The following APOBR variants were observed in gnomAD, a reference collection of about 807,000 sequenced individuals.
APOBR encodes apoB-48R.
A neutral mutation model predicts 88.5 loss-of-function variants in APOBR; 57 were observed. That is an observed-to-expected ratio of 0.64 (90% CI 0.52 to 0.80). The LOEUF (loss-of-function observed/expected upper bound fraction) is 0.80, where lower values mean the gene tolerates loss of function less well. Ranked by LOEUF, APOBR falls within the 30% of genes least tolerant of loss-of-function variation. The pLI is 0.00. For synonymous variants in APOBR, 588 were observed against 572.7 expected (o/e 1.03, Z -0.38); for missense variants, 1,443 against 1,401.6 (o/e 1.03, Z -0.47).
rs1215186989 is a variant in APOBR at position 28,497,410 on chromosome 16, G to A, written c.2369G>A (p.Trp790Ter). Residue 790 changes from tryptophan (W) to a stop codon, truncating the protein, a stop_gained, in exon 2 of 4, where the codon TGG becomes TAG. Coordinates refer to ENST00000564831, the MANE Select transcript of APOBR (RefSeq NM_018690.4). LOFTEE classifies it high-confidence loss of function. ...EALEGVLGQG[W>*]DSKEKEEAAA... is the part of the protein sequence containing the mutation. ...TTGGAAGGGGTGCTTGGGCAAGGCTGGGACTCGAAAGAAAAGGAAGAGGCA... is the reference window on the plus strand; with the variant it reads ...TTGGAAGGGGTGCTTGGGCAAGGCTAGGACTCGAAAGAAAAGGAAGAGGCA... The A allele has an allele frequency of 6.2e-7, 1 of 1,613,418 alleles. No individual in the cohort carries two copies. The highest frequency in any genetic ancestry group is 8.5e-7 in the Non-Finnish European group (1 of 1,179,616).
chr16:28,496,310 T>C lies in APOBR; in HGVS notation c.1269T>C (p.Pro423=), dbSNP rs771294249. 2.5e-6 allele frequency: 4 copies of C among 1,586,114 alleles called. No individual in the cohort carries two copies. The African/African-American group carries it at 4.1e-5, about 16-fold the overall frequency. The change falls in exon 2 of 4, where the codon CCT becomes CCC. Residue 423 remains proline (P), a synonymous_variant. Coordinates refer to ENST00000564831, the MANE Select transcript of APOBR (RefSeq NM_018690.4). ...AGGAGAGAGAGGCTGAGGTGAGCCC[T>C]TTCCCCAAACAGCCCCAGGTCCTGG... ...GDEEREAEVS[P]FPKQPQVLGT... is the part of the protein sequence containing the mutation.
In APOBR at chr16:28,495,284, G is replaced by A; in HGVS notation, c.243G>A (p.Leu81=). ...GCCAAAACGAGGGGGCTGGAAGGCT[G>A]AGAGGGCCTGGAGATGACAGAAGAC... is the stretch of plus-strand genomic sequence containing the variant. ...RGSQNEGAGR[L]RGPGDDRRHE... is the part of the protein sequence containing the mutation. The change falls in exon 2 of 4, where the codon CTG becomes CTA. Residue 81 remains leucine (L), a synonymous_variant. Coordinates refer to ENST00000564831, the MANE Select transcript of APOBR (RefSeq NM_018690.4). 9 of 1,532,078 alleles carry A rather than the reference G, an allele frequency of 5.9e-6. No homozygotes were observed. Among genetic ancestry groups the A allele is most frequent in the South Asian group, 1.3e-5 (1 of 79,346 alleles). The allele number at this position is 1,532,078 out of a possible 1,614,324, so 94.9% of individuals were successfully genotyped here. A position where few individuals can be genotyped will look rare whatever the true frequency, so the allele number is the denominator to read the frequency against.
In APOBR at chr16:28,496,285, A is replaced by G. The variant is rs776596914; in HGVS notation, c.1244A>G (p.Glu415Gly). 1.6e-5 allele frequency: 25 copies of G among 1,597,188 alleles called. No individual in the cohort carries two copies. The highest frequency in any genetic ancestry group is 2.0e-5 in the Non-Finnish European group (24 of 1,172,646). The change falls in exon 2 of 4, where the codon GAG (glutamate) becomes GGG (glycine). Residue 415 changes from glutamate to glycine, a missense_variant. By Grantham distance (98) the Glu-to-Gly change is moderately conservative. Coordinates refer to ENST00000564831, the MANE Select transcript of APOBR (RefSeq NM_018690.4). Reference sequence around the variant, plus strand: ...TGGGTCCTAGAGGAGGAGGGGGATGAGGAGAGAGAGGCTGAGGTGAGCCCT... The same window carrying G: ...TGGGTCCTAGAGGAGGAGGGGGATGGGGAGAGAGAGGCTGAGGTGAGCCCT... The part of the protein sequence containing the change: ...KVWVLEEEGD[E>G]EREAEVSPFP...
rs373412251 is a variant in APOBR, at chr16:28,498,166, G to A, written c.3041G>A (p.Arg1014Gln). ...LSRSSSQRRS[R>Q]PSFRRTPAWE... ...AGAAGCTCCTCACAGCGTCGCTCCC[G>A]GCCCTCTTTTCGTCGGACTCCGGCC... Residue 1014 changes from arginine to glutamine, a missense_variant, in exon 3 of 4, where the codon CGG becomes CAG. Coordinates refer to ENST00000564831, the MANE Select transcript of APOBR (RefSeq NM_018690.4). The A allele has an allele frequency of 6.6e-5, 105 of 1,601,592 alleles. No individual in the cohort carries two copies. The highest frequency in any genetic ancestry group is 2.2e-4 in the East Asian group (10 of 44,794).
At position 28,497,867 on chromosome 16, in the gene APOBR, T is replaced by C. The variant is rs568013739; in HGVS notation, c.2826T>C (p.His942=). The C allele has an allele frequency of 1.2e-6, 2 of 1,612,392 alleles. No individual in the cohort carries two copies. The highest frequency in any genetic ancestry group is 4.5e-5 in the East Asian group (2 of 44,848). ...AGACTGAGCCAGAAAGCCTGGAACA[T>C]GTCAGGGGCCAGGAGGAGCAGCCAA... ...AKETEPESLE[H]VRGQEEQPTH... Residue 942 remains histidine (H), a synonymous_variant, in exon 2 of 4, where the codon CAT becomes CAC. Transcript: ENST00000564831.
chr16:28,497,686 C>G lies in APOBR; in HGVS notation c.2645C>G (p.Thr882Arg), dbSNP rs765686973. The change falls in exon 2 of 4, where the codon ACG (threonine) becomes AGG (arginine). Residue 882 changes from threonine (T) to arginine (R), a missense_variant. By Grantham distance (71) the Thr-to-Arg change is moderately conservative. Transcript: ENST00000564831. ...GCTGGGGGGCTTCTAGAAAAGTGGACGCTGTTGGAAGAAGAGGCTGTTGGA... is the reference window on the plus strand; with the variant it reads ...GCTGGGGGGCTTCTAGAAAAGTGGAGGCTGTTGGAAGAAGAGGCTGTTGGA... ...VEAGGLLEKW[T>R]LLEEEAVGWQ... 6.2e-7 allele frequency: 1 copy of G among 1,603,166 alleles called. No homozygotes were observed. Among genetic ancestry groups the G allele is most frequent in the Non-Finnish European group, 8.5e-7 (1 of 1,175,018 alleles).
Position 28,498,574 on chromosome 16 carries a change from C to A in APOBR, c.*69C>A. On this transcript the variant is annotated 3_prime_UTR_variant, in exon 4 of 4. Transcript: ENST00000564831. ...GAAGGCTTGCTCCAATGCCACTGAG[C>A]CCTGCTCCCTCTGCCACTGTGGACA... 6 of 1,503,626 alleles carry A rather than the reference C, an allele frequency of 4.0e-6. No homozygotes were observed. The highest frequency in any genetic ancestry group is 5.4e-6 in the Non-Finnish European group (6 of 1,115,718). 93.1% of individuals were successfully genotyped at this position (1,503,626 alleles called of 1,614,324 possible). A position where few individuals can be genotyped will look rare whatever the true frequency, so the allele number is the denominator to read the frequency against.
rs151136790 is a variant in APOBR, at chr16:28,495,924, A to G, written c.883A>G (p.Ile295Val). The G allele has an allele frequency of 0.016, 25,607 of 1,613,036 alleles. 264 individuals carry two copies. The highest frequency in any genetic ancestry group is 0.019 in the Non-Finnish European group (22,588 of 1,179,608). The change falls in exon 2 of 4, where the codon ATT becomes GTT. Residue 295 changes from isoleucine to valine, a missense_variant. Transcript: ENST00000564831. ...CCCAGGTAGGGAAGAGGCCAGGGCA[A>G]TTTTAGATGGGGAGGAAGCCAGGAC... ...TTPGREEARA[I>V]LDGEEARTIS...
Position 28,495,843 on chromosome 16 carries a change from C to T in APOBR, c.802C>T (p.Pro268Ser). 1 of 1,609,270 alleles carries T rather than the reference C, an allele frequency of 6.2e-7. No individual in the cohort carries two copies. Among genetic ancestry groups the T allele is most frequent in the East Asian group, 2.2e-5 (1 of 44,746 alleles). ...ESTRAWGTWG[P>S]GAEPEDWGIL... Reference sequence around the variant, plus strand: ...CACTAGGGCATGGGGGACGTGGGGCCCAGGGGCAGAGCCTGAGGACTGGGG... The same window carrying T: ...CACTAGGGCATGGGGGACGTGGGGCTCAGGGGCAGAGCCTGAGGACTGGGG... Residue 268 changes from proline to serine, a missense_variant, in exon 2 of 4, where the codon CCA becomes TCA. Pro to Ser is a moderately conservative substitution (Grantham distance 74, BLOSUM62 -1). Coordinates refer to ENST00000564831, the MANE Select transcript of APOBR (RefSeq NM_018690.4).
chr16:28,497,364 G>A lies in APOBR; in HGVS notation c.2323G>A (p.Ala775Thr), dbSNP rs761742891. 3.8e-5 allele frequency: 61 copies of A among 1,610,748 alleles called. No homozygotes were observed. The highest frequency in any genetic ancestry group is 6.8e-5 in the Admixed American group (4 of 59,096). The change falls in exon 2 of 4, where the codon GCT becomes ACT. Residue 775 changes from alanine (A) to threonine (T), a missense_variant. By Grantham distance (58) the Ala-to-Thr change is moderately conservative. Transcript: ENST00000564831. Reference sequence around the variant, plus strand: ...GGGTGATGTGGTCCCACACATCAGCGCTGCTGGCGCTGGTGAAGCTTTGGA... The same window carrying A: ...GGGTGATGTGGTCCCACACATCAGCACTGCTGGCGCTGGTGAAGCTTTGGA... The part of the protein sequence containing the change: ...MGGDVVPHIS[A>T]AGAGEALEGV...
Position 28,497,417 on chromosome 16 carries a change from G to T in APOBR, c.2376G>T (p.Ser792=). 6.2e-7 allele frequency: 1 copy of T among 1,613,580 alleles called. No individual in the cohort carries two copies. Among genetic ancestry groups the T allele is most frequent in the Non-Finnish European group, 8.5e-7 (1 of 1,179,696 alleles). Residue 792 remains serine, a synonymous_variant, in exon 2 of 4, where the codon TCG becomes TCT. Coordinates refer to ENST00000564831, the MANE Select transcript of APOBR (RefSeq NM_018690.4). ...GGGTGCTTGGGCAAGGCTGGGACTC[G>T]AAAGAAAAGGAAGAGGCAGCAGCAG... ...LEGVLGQGWD[S]KEKEEAAAGE...
rs769325207 is a variant in APOBR, at chr16:28,495,229, C to T, written c.188C>T (p.Ala63Val). 1.3e-6 allele frequency: 2 copies of T among 1,546,800 alleles called. No homozygotes were observed. The highest frequency in any genetic ancestry group is 2.3e-5 in the East Asian group (1 of 43,548). The change falls in exon 2 of 4, where the codon GCC becomes GTC. Residue 63 changes from alanine to valine, a missense_variant. By Grantham distance (64) the Ala-to-Val change is moderately conservative. Coordinates refer to ENST00000564831, the MANE Select transcript of APOBR (RefSeq NM_018690.4). ...ACAGGGAAGATTGTAGAGGAGGAAG[C>T]CCAGGAGGACCTGGAGGGCCTTAGA... ...GKTGKIVEEE[A>V]QEDLEGLRGS...
chr16:28,494,913 C>T (rs973262893), intron 1 of APOBR, 175 bp downstream of exon 1: 1 of 836,336 alleles, frequency 1.2e-6, no homozygotes, highest in Non-Finnish European at 1.8e-6. Context: ...TTTCAGTCCC[C>T]ACCTCCAACC....
rs768991754 is a variant in APOBR, at chr16:28,495,440, C to T, written c.399C>T (p.Ser133=). 2.6e-6 allele frequency: 4 copies of T among 1,560,508 alleles called. No individual in the cohort carries two copies. Among genetic ancestry groups the T allele is most frequent in the Non-Finnish European group, 3.5e-6 (4 of 1,152,558 alleles). The change falls in exon 2 of 4, where the codon AGC becomes AGT. Residue 133 remains serine (S), a synonymous_variant. Transcript: ENST00000564831. ...TAKAARCQEP[S]AHLEARKKSK... ...AGGCTGCCAGGTGCCAGGAGCCAAGCGCCCACTTGGAGGCCAGAAAGAAAT... is the reference window on the plus strand; with the variant it reads ...AGGCTGCCAGGTGCCAGGAGCCAAGTGCCCACTTGGAGGCCAGAAAGAAAT...
chr16:28,498,496 GC>G lies in APOBR; in HGVS notation c.3289del (p.Gln1097SerfsTer3), dbSNP rs1276592179. On this transcript the variant is annotated frameshift_variant, in exon 4 of 4. Coordinates refer to ENST00000564831, the MANE Select transcript of APOBR (RefSeq NM_018690.4). LOFTEE classifies it high-confidence loss of function. ...TGCAAGCCCGTCTGGGCCGGCCTAA[GC>G]CCCAGTGACTGAGACCCGGTGCTCT... ...ELQARLGRPK[P>X]Q is the part of the protein sequence containing the mutation. 2 of 1,597,558 alleles carry G rather than the reference GC, an allele frequency of 1.3e-6. No individual in the cohort carries two copies. The highest frequency in any genetic ancestry group is 1.1e-5 in the South Asian group (1 of 88,142).
chr16:28,497,313 G>A lies in APOBR; in HGVS notation c.2272G>A (p.Gly758Ser). The change falls in exon 2 of 4, where the codon GGC (glycine) becomes AGC (serine). Residue 758 changes from glycine (G) to serine (S), a missense_variant. Coordinates refer to ENST00000564831, the MANE Select transcript of APOBR (RefSeq NM_018690.4). ...CCCGGACCGTGAGGATGCACAGACT[G>A]GCTCTGTGGCTGCTGGGATTATGGG... The part of the protein sequence containing the change: ...GLPDREDAQT[G>S]SVAAGIMGGD... 1 of 1,601,032 alleles carries A rather than the reference G, an allele frequency of 6.2e-7. No homozygotes were observed. The highest frequency in any genetic ancestry group is 8.5e-7 in the Non-Finnish European group (1 of 1,174,168).
rs2046391617 is a variant in APOBR at position 28,496,194 on chromosome 16, G to A, written c.1153G>A (p.Gly385Arg). The change falls in exon 2 of 4, where the codon GGA becomes AGA. Residue 385 changes from glycine (G) to arginine (R), a missense_variant. Gly to Arg is a moderately radical substitution (Grantham distance 125, BLOSUM62 -2). Coordinates refer to ENST00000564831, the MANE Select transcript of APOBR (RefSeq NM_018690.4). ...AGGCAAAGAGGAGGCTGACCTGCTG[G>A]GAGTCAGACAGACAGAATATGGAGC... The part of the protein sequence containing the change: ...TSGKEEADLL[G>R]VRQTEYGAVP... 3 of 1,570,014 alleles carry A rather than the reference G, an allele frequency of 1.9e-6. No individual in the cohort carries two copies. Among genetic ancestry groups the A allele is most frequent in the Non-Finnish European group, 2.6e-6 (3 of 1,160,472 alleles).
At position 28,497,875 on chromosome 16, in the gene APOBR, G is replaced by A. The variant is rs2046405880; in HGVS notation, c.2834G>A (p.Gly945Asp). Residue 945 changes from glycine to aspartate, a missense_variant, in exon 2 of 4, where the codon GGC becomes GAC. Transcript: ENST00000564831. ...TEPESLEHVRGQEEQPTHQAP... is the reference protein window; with the variant it reads ...TEPESLEHVRDQEEQPTHQAP... ...CCAGAAAGCCTGGAACATGTCAGGG[G>A]CCAGGAGGAGCAGCCAACACACCAG... 3 of 1,612,810 alleles carry A rather than the reference G, an allele frequency of 1.9e-6. No homozygotes were observed. The highest frequency in any genetic ancestry group is 4.5e-5 in the East Asian group (2 of 44,846).
rs1329074385 is a variant in APOBR at position 28,495,639 on chromosome 16, T to C, written c.598T>C (p.Trp200Arg). Residue 200 changes from tryptophan to arginine, a missense_variant, in exon 2 of 4, where the codon TGG (tryptophan) becomes CGG (arginine). Physicochemically the swap from Trp to Arg is moderately radical, Grantham distance 101 (BLOSUM62 -3). Transcript: ENST00000564831. ...PGMARGAESEWTWHGETEGKA... is the reference protein window; with the variant it reads ...PGMARGAESERTWHGETEGKA... ...GATGGCCAGAGGGGCGGAGTCAGAGTGGACCTGGCATGGGGAGACGGAGGG... is the reference window on the plus strand; with the variant it reads ...GATGGCCAGAGGGGCGGAGTCAGAGCGGACCTGGCATGGGGAGACGGAGGG... The C allele has an allele frequency of 3.9e-6, 6 of 1,552,460 alleles. No homozygotes were observed. The highest frequency in any genetic ancestry group is 2.8e-5 in the African/African-American group (2 of 72,554).
Sources: allele counts gnomAD v4.1 joint callset, GRCh38; gene constraint gnomAD v4.1.1; transcripts MANE v1.5; gene names NCBI Gene and HGNC (gene_info 2026-07-23, HGNC 2026-07-21).